Variants in MAP3K19 observed in about 807,000 individuals in gnomAD.
MAP3K19 encodes the protein SPS1/STE20-related protein kinase YSK4.
Under a neutral mutation model 114.4 loss-of-function variants are expected in MAP3K19, and 91 were observed. The ratio of observed to expected loss-of-function variants is 0.80; its 90% CI spans 0.67 to 0.95. The LOEUF is 0.95. Among genes scored for constraint, MAP3K19 ranks in the 40% least tolerant of loss-of-function variants. The pLI, the probability that MAP3K19 is intolerant of heterozygous loss-of-function variation, is 0.00. For missense variants in MAP3K19, 1,471 were observed against 1,573.2 expected (o/e 0.94, Z 1.10); for synonymous variants, 518 against 530.5 (o/e 0.98, Z 0.32).
intron 8 of MAP3K19, among the ~76,000 whole-genome samples, chr2:134,993,903 C>A (rs950001944): frequency 2.0e-5 from 3 of 152,114 alleles, no homozygotes; most frequent in Non-Finnish European, 2.9e-5. Flanking sequence ...CCCAGCTACT[C>A]AGGAGGCTGT....
intron 5 of MAP3K19, among the ~76,000 whole-genome samples, chr2:135,008,545 T>A (rs1032042023): frequency 2.0e-5 from 3 of 152,154 alleles, no homozygotes; most frequent in Non-Finnish European, 4.4e-5. Flanking sequence ...ATACCCCAAT[T>A]TTGCATTATT....
chr2:134,972,010 T>C (rs1239983312), intron 12 of MAP3K19, among the ~76,000 whole-genome samples: 3 of 152,274 alleles, frequency 2.0e-5, no homozygotes, highest in African/African-American at 7.2e-5. Flanking sequence ...TGAGATGTTT[T>C]GATACAGGCA....
At chr2:135,004,522 C>A (rs1686676042) in intron 6 of MAP3K19, among the ~76,000 whole-genome samples, 1 of 152,142 alleles carries the variant, frequency 6.6e-6, no homozygotes, top group Non-Finnish European at 1.5e-5. Flanking sequence ...ACACGGGCAT[C>A]AAAGAGGGCG....
At chr2:134,965,619 T>C (rs1683278064) in intron 12 of MAP3K19, among the ~76,000 whole-genome samples, 1 of 152,204 alleles carries the variant, frequency 6.6e-6, no homozygotes, top group Non-Finnish European at 1.5e-5. Context: ...TTTTTTCAGA[T>C]ACATAAATAT....
intron 6 of MAP3K19, among the ~76,000 whole-genome samples, chr2:135,003,900 A>G (rs115699549): frequency 0.015 from 2,356 of 152,358 alleles, 52 homozygotes; most frequent in African/African-American, 0.053. Flanking sequence ...ATAATGGACA[A>G]TAATATCTAA....
At chr2:135,042,939 C>T (rs1376443181) in intron 1 of MAP3K19, among the ~76,000 whole-genome samples, 4 of 151,746 alleles carry the variant, frequency 2.6e-5, no homozygotes, top group East Asian at 1.9e-4. Context: ...AAACATTACC[C>T]GGGTGTGGTG....
intron 5 of MAP3K19, among the ~76,000 whole-genome samples, chr2:135,018,824 C>T (rs1021045349): frequency 2.6e-5 from 4 of 152,164 alleles, no homozygotes; most frequent in African/African-American, 9.7e-5. Context: ...GCGGCTCACA[C>T]TTATAACCCC....
chr2:134,981,129 G>C lies in MAP3K19; in HGVS notation c.3612C>G (p.Asp1204Glu). 1 of 1,614,196 alleles carries C rather than the reference G, an allele frequency of 6.2e-7. No individual in the cohort carries two copies. The highest frequency in any genetic ancestry group is 1.1e-5 in the South Asian group (1 of 91,086). The change falls in exon 12 of 13, where the codon GAC becomes GAG. Residue 1204 changes from aspartate to glutamate, a missense_variant. Physicochemically the swap from Asp to Glu is conservative, Grantham distance 45. Coordinates refer to ENST00000392915, the MANE Select transcript of MAP3K19 (RefSeq NM_025052.5). ...LMPTGIIKLI[D>E]FGCARRLAWA... is the part of the protein sequence containing the mutation. The stretch of plus-strand genomic sequence containing the variant: ...AGGCCAAACGCCTGGCACAGCCAAA[G>C]TCAATCAGCTTTATTATTCCAGTTG...
intron 12 of MAP3K19, among the ~76,000 whole-genome samples, chr2:134,972,436 G>T (rs569823379): frequency 6.6e-6 from 1 of 151,858 alleles, no homozygotes; most frequent in Admixed American, 6.6e-5. Context: ...GGTTTGGTTT[G>T]TTCCCTTTTT....
At chr2:134,975,393 AGCAGTGATAGG>A (rs1684165721) in intron 12 of MAP3K19, among the ~76,000 whole-genome samples, 1 of 152,170 alleles carries the variant, frequency 6.6e-6, no homozygotes, top group Non-Finnish European at 1.5e-5. Context: ...TACAGATACC[AGCAGTGATAGG>A]GCAGAGAATC....
chr2:135,021,909 TA>T (rs1574040965), intron 4 of MAP3K19, 79 bp from the exon 5 acceptor site: 2 of 802,976 alleles, frequency 2.5e-6, no homozygotes, highest in Middle Eastern at 2.9e-4. Flanking sequence ...CTCTATGTTC[TA>T]AAATCAGCTC....
intron 1 of MAP3K19, among the ~76,000 whole-genome samples, chr2:135,046,450 T>G (rs950277168): frequency 5.3e-5 from 8 of 152,088 alleles, no homozygotes; most frequent in Admixed American, 2.6e-4. Flanking sequence ...CTAATTTTTG[T>G]ATTTTAGTAG....
intron 3 of MAP3K19, among the ~76,000 whole-genome samples, chr2:135,027,349 GAGAGAA>G (rs1162575069): frequency 2.3e-4 from 31 of 132,424 alleles, no homozygotes; most frequent in African/African-American, 9.7e-4. Flanking sequence ...AAGAAAGAAA[GAGAGAA>G]AGAAAGAAAG....
chr2:135,034,531 T>G (rs1273341577), intron 2 of MAP3K19, among the ~76,000 whole-genome samples: 1 of 129,376 alleles, frequency 7.7e-6, no homozygotes, highest in Non-Finnish European at 1.5e-5. Context: ...GAGCACTGAG[T>G]GAACCAGACT....
intron 1 of MAP3K19, among the ~76,000 whole-genome samples, chr2:135,044,091 CAG>C (rs1688694828): frequency 1.3e-5 from 2 of 152,190 alleles, no homozygotes; most frequent in African/African-American, 4.8e-5. Context: ...AATACAACAA[CAG>C]CAATCATGCC....
chr2:135,022,151 A>G (rs550794950), intron 4 of MAP3K19, among the ~76,000 whole-genome samples: 2 of 152,188 alleles, frequency 1.3e-5, no homozygotes, highest in African/African-American at 2.4e-5. Context: ...TGAATCGATC[A>G]TCCTATCTGA....
chr2:135,023,538 T>C (rs755142908), intron 4 of MAP3K19: 6 of 533,276 alleles, frequency 1.1e-5, no homozygotes, highest in Non-Finnish European at 2.3e-5. Context: ...ATTTTGTTGG[T>C]TGTATTTCCA....
At chr2:135,036,679 GTGA>G (rs1688537314) in intron 2 of MAP3K19, among the ~76,000 whole-genome samples, 1 of 140,604 alleles carries the variant, frequency 7.1e-6, no homozygotes, top group Non-Finnish European at 1.5e-5. Flanking sequence ...GTGTGTGTGT[GTGA>G]TATGTGCTTG....
chr2:135,034,626 C>T (rs1189425697), intron 2 of MAP3K19, among the ~76,000 whole-genome samples: 2 of 132,534 alleles, frequency 1.5e-5, no homozygotes, highest in African/African-American at 3.2e-5. Flanking sequence ...GCCAACACAG[C>T]GAAACCCCGT....
Sources: allele counts gnomAD v4.1 joint callset (sites outside exome capture counted in the v4.1 genomes callset), GRCh38; gene constraint gnomAD v4.1.1; transcripts MANE v1.5; gene names NCBI Gene and HGNC (gene_info 2026-07-23, HGNC 2026-07-21).